Variants in TRIM36 observed in about 807,000 individuals in gnomAD.
TRIM36 encodes tripartite motif containing 36, also known as E3 ubiquitin-protein ligase TRIM36.
Under a neutral mutation model 72.4 loss-of-function variants are expected in TRIM36, and 42 were observed. That is an observed-to-expected ratio of 0.58 (90% CI 0.45 to 0.75). The LOEUF (loss-of-function observed/expected upper bound fraction) is 0.75, where lower values mean the gene tolerates loss of function less well. TRIM36 is among the 30% of genes least tolerant of loss of function. TRIM36 has a pLI of 0.00. For synonymous variants in TRIM36, 315 were observed against 282.8 expected (o/e 1.11, Z -1.14); for missense variants, 913 against 857.1 (o/e 1.07, Z -0.81).
chr5:115,136,947 A>G, intron 7 of TRIM36, 53 bp downstream of exon 7: 1 of 1,496,142 alleles, frequency 6.7e-7, no homozygotes, highest in Non-Finnish European at 8.9e-7. Context: ...TTTCTTCCAC[A>G]CAATACAAAT....
At chr5:115,144,815 A>G (rs1753490074) in intron 3 of TRIM36, 71 bp from the exon 4 acceptor site, 1 of 1,497,032 alleles carries the variant, frequency 6.7e-7, no homozygotes. Flanking sequence ...ACCAAAATAC[A>G]AAGATTTGCC....
intron 1 of TRIM36, chr5:115,177,038 C>T (rs1234384185): frequency 6.6e-6 from 1 of 152,124 alleles, no homozygotes; most frequent in Non-Finnish European, 1.5e-5. Flanking sequence ...TCCAGTTTGT[C>T]CTGTAGGTTT....
At chr5:115,152,220 A>C (rs981421637) in intron 2 of TRIM36, among the ~76,000 whole-genome samples, 1 of 152,198 alleles carries the variant, frequency 6.6e-6, no homozygotes, top group African/African-American at 2.4e-5. Flanking sequence ...TAGAAATGCA[A>C]AATGCTCTGG....
At chr5:115,152,098 C>A (rs545417171) in intron 2 of TRIM36, among the ~76,000 whole-genome samples, 1 of 151,870 alleles carries the variant, frequency 6.6e-6, no homozygotes, top group African/African-American at 2.4e-5. Context: ...AGGCAAAGAC[C>A]GATGTAAGGC....
chr5:115,127,648 T>C lies in TRIM36; in HGVS notation c.1797-791A>G, dbSNP rs114972593. On this transcript the variant is annotated intron_variant, in intron 9 of 9. Coordinates refer to ENST00000513154, the MANE Select transcript of TRIM36 (RefSeq NM_001300759.2). Reference sequence around the variant, plus strand: ...GCTGTAGTGTAACCCATTACATGTTTGTGGTGATACTGGTGTAAACAGTGC... The same window carrying C: ...GCTGTAGTGTAACCCATTACATGTTCGTGGTGATACTGGTGTAAACAGTGC... Among the ~76,000 whole-genome samples, 792 of 152,342 alleles carry C rather than the reference T, an allele frequency of 5.2e-3. 10 individuals carry two copies. The Middle Eastern group carries it at 0.054, about 10-fold the overall frequency.
chr5:115,166,364 C>G (rs891701821), intron 1 of TRIM36, among the ~76,000 whole-genome samples: 7 of 152,184 alleles, frequency 4.6e-5, no homozygotes, highest in African/African-American at 1.7e-4. Context: ...AAGAGCTACC[C>G]ACTTGGGTCT....
At chr5:115,143,337 G>A (rs1240970434) in intron 4 of TRIM36, among the ~76,000 whole-genome samples, 1 of 149,594 alleles carries the variant, frequency 6.7e-6, no homozygotes, top group Non-Finnish European at 1.5e-5. Flanking sequence ...AAAATTAAAT[G>A]CTGTTCTGTC....
chr5:115,168,540 G>C (rs1754911877), intron 1 of TRIM36, among the ~76,000 whole-genome samples: 1 of 152,196 alleles, frequency 6.6e-6, no homozygotes, highest in Admixed American at 6.5e-5. Context: ...TCTCCCTAAA[G>C]TGACACCAAG....
At chr5:115,177,434 C>G in intron 1 of TRIM36, 1 of 929,186 alleles carries the variant, frequency 1.1e-6, no homozygotes, top group Non-Finnish European at 1.4e-6. Context: ...TCTCTTAACT[C>G]TCATAATTAG....
At chr5:115,152,101 T>C (rs954720768) in intron 2 of TRIM36, among the ~76,000 whole-genome samples, 5 of 152,174 alleles carry the variant, frequency 3.3e-5, no homozygotes, top group Admixed American at 1.3e-4. Flanking sequence ...CAAAGACCGA[T>C]GTAAGGCAAT....
chr5:115,167,987 G>A (rs927253183), intron 1 of TRIM36, among the ~76,000 whole-genome samples: 9 of 152,170 alleles, frequency 5.9e-5, no homozygotes, highest in East Asian at 1.9e-4. Flanking sequence ...GGCAGCAGGC[G>A]AGAGGGAGTA....
intron 2 of TRIM36, among the ~76,000 whole-genome samples, chr5:115,148,044 C>T (rs758247199): frequency 6.6e-6 from 1 of 152,126 alleles, no homozygotes; most frequent in South Asian, 2.1e-4. Context: ...TGGAAAAATT[C>T]AGTAGGGAAG....
intron 4 of TRIM36, 147 bp downstream of exon 4, chr5:115,144,451 C>T (rs1433726908): frequency 1.1e-6 from 1 of 948,472 alleles, no homozygotes; most frequent in Non-Finnish European, 1.5e-6. Context: ...TACTAACAAC[C>T]TAATATTAGT....
At chr5:115,174,007 C>A (rs1403699270), upstream of TRIM36, 1 of 152,220 alleles carries the variant, frequency 6.6e-6, no homozygotes, top group Non-Finnish European at 1.5e-5. Flanking sequence ...TTCCCCTCTC[C>A]AAACACACAC....
At chr5:115,167,541 T>C (rs937533391) in intron 1 of TRIM36, among the ~76,000 whole-genome samples, 1 of 152,218 alleles carries the variant, frequency 6.6e-6, no homozygotes, top group Non-Finnish European at 1.5e-5. Context: ...GCCAGTCTCT[T>C]TGCTAAAGCA....
chr5:115,169,678 A>G lies in TRIM36; in HGVS notation c.-44T>C, dbSNP rs1454937948. 6.6e-7 allele frequency: 1 copy of G among 1,512,718 alleles called. No homozygotes were observed. Among genetic ancestry groups the G allele is most frequent in the Non-Finnish European group, 8.8e-7 (1 of 1,134,432 alleles). 93.7% of individuals were successfully genotyped at this position (1,512,718 alleles called of 1,614,324 possible). A position where few individuals can be genotyped will look rare whatever the true frequency, so the allele number is the denominator to read the frequency against. On this transcript the variant is annotated 5_prime_UTR_variant, in exon 1 of 10. Transcript: ENST00000513154. ...GTCATCAGCGGCACGTTCCACTCAC[A>G]CCGGCTACCGAGCGCAGGGTCTGGT...
At chr5:115,134,234 GTATT>G in intron 7 of TRIM36, 87 bp from the exon 8 acceptor site, 1 of 1,240,616 alleles carries the variant, frequency 8.1e-7, no homozygotes, top group Non-Finnish European at 1.1e-6. Flanking sequence ...CATATAAACA[GTATT>G]TAATGATTTC....
chr5:115,179,283 G>T (rs1046413573), intron 1 of TRIM36, among the ~76,000 whole-genome samples: 1 of 152,186 alleles, frequency 6.6e-6, no homozygotes, highest in African/African-American at 2.4e-5. Context: ...TGAGGGCGTC[G>T]TCGCGGGCGC....
At chr5:115,168,660 G>C (rs771088579) in intron 1 of TRIM36, among the ~76,000 whole-genome samples, 3 of 152,206 alleles carry the variant, frequency 2.0e-5, no homozygotes, top group Non-Finnish European at 4.4e-5. Context: ...ATGTGATGAA[G>C]AGCCATATCA....
Sources: allele counts gnomAD v4.1 joint callset (sites outside exome capture counted in the v4.1 genomes callset), GRCh38; gene constraint gnomAD v4.1.1; transcripts MANE v1.5; gene names NCBI Gene and HGNC (gene_info 2026-07-23, HGNC 2026-07-21).